MACROD2: variants seen among roughly 807,000 people sequenced by gnomAD.
MACROD2 encodes the protein mono-ADP ribosylhydrolase 2.
A neutral mutation model predicts 70.4 loss-of-function variants in MACROD2; 36 were observed. The observed-to-expected ratio is 0.51, with a 90% CI of 0.39 to 0.68. The LOEUF (loss-of-function observed/expected upper bound fraction) is 0.68, where lower values mean the gene tolerates loss of function less well. MACROD2 is among the 30% of genes least tolerant of loss of function. The pLI is 0.00. For missense variants in MACROD2, 496 were observed against 538.4 expected (o/e 0.92, Z 0.78); for synonymous variants, 172 against 178.8 (o/e 0.96, Z 0.30).
chr20:15,314,085 G>A (rs1001684820), intron 6 of MACROD2, among the ~76,000 whole-genome samples: 4 of 152,252 alleles, frequency 2.6e-5, no homozygotes, highest in African/African-American at 9.6e-5. Context: ...ATTAGGACCA[G>A]TAAGTTTTAC....
intron 8 of MACROD2, among the ~76,000 whole-genome samples, chr20:15,687,318 G>T (rs1396294494): frequency 6.7e-6 from 1 of 150,004 alleles, no homozygotes; most frequent in Non-Finnish European, 1.5e-5. Flanking sequence ...TATATATATC[G>T]CATAGTGCTG....
chr20:15,281,062 G>T (rs2077439639), intron 6 of MACROD2, among the ~76,000 whole-genome samples: 1 of 152,192 alleles, frequency 6.6e-6, no homozygotes, highest in Non-Finnish European at 1.5e-5. Flanking sequence ...GCAAGCAAGA[G>T]AAACACTAGA....
In MACROD2 at chr20:14,907,777, G is replaced by A. The variant is rs79095838; in HGVS notation, c.418+222818G>A. Among the ~76,000 whole-genome samples, 1,049 of 152,228 alleles carry A rather than the reference G, an allele frequency of 6.9e-3. 8 individuals carry two copies. Among genetic ancestry groups the A allele is most frequent in the African/African-American group, 0.024 (992 of 41,536 alleles). ...GACTAGATGATAAAGGGCTTTTCAT[G>A]TCCAACGAAAGAGTTTAGATATTGA... On this transcript the variant is annotated intron_variant, in intron 5 of 17. Transcript: ENST00000684519.
At chr20:15,386,989 A>G (rs1191940118) in intron 6 of MACROD2, among the ~76,000 whole-genome samples, 1 of 152,058 alleles carries the variant, frequency 6.6e-6, no homozygotes, top group Non-Finnish European at 1.5e-5. Context: ...AAATGAGAAA[A>G]TCATTAAAGG....
chr20:14,275,180 C>T (rs926501653), intron 3 of MACROD2, among the ~76,000 whole-genome samples: 4 of 152,102 alleles, frequency 2.6e-5, no homozygotes, highest in Non-Finnish European at 5.9e-5. Context: ...CAAGTCAATC[C>T]TAAGCCAAAC....
chr20:14,866,583 A>G (rs1450015274), intron 5 of MACROD2, among the ~76,000 whole-genome samples: 1 of 152,134 alleles, frequency 6.6e-6, no homozygotes, highest in African/African-American at 2.4e-5. Flanking sequence ...TGGCCTGAGC[A>G]TAAAATTGTC....
At chr20:14,922,560 A>C (rs562133495) in intron 5 of MACROD2, among the ~76,000 whole-genome samples, 1 of 152,292 alleles carries the variant, frequency 6.6e-6, no homozygotes, top group African/African-American at 2.4e-5. Context: ...AATTTGATTC[A>C]TTAACTTTTT....
At chr20:15,805,633 C>T (rs1238565779) in intron 8 of MACROD2, among the ~76,000 whole-genome samples, 7 of 152,086 alleles carry the variant, frequency 4.6e-5, no homozygotes, top group African/African-American at 7.2e-5. Context: ...TGTGCCACCA[C>T]GCCCAGCTAA....
At chr20:15,655,230 T>C (rs997542216) in intron 8 of MACROD2, among the ~76,000 whole-genome samples, 5 of 152,102 alleles carry the variant, frequency 3.3e-5, no homozygotes, top group African/African-American at 9.7e-5. Flanking sequence ...ACTCTGATAA[T>C]TGTAGAAAAT....
At chr20:16,012,428 G>A (rs1320234895) in intron 15 of MACROD2, among the ~76,000 whole-genome samples, 1 of 152,180 alleles carries the variant, frequency 6.6e-6, no homozygotes, top group East Asian at 1.9e-4. Context: ...GACCAATTAA[G>A]TCTGACATTT....
intron 3 of MACROD2, among the ~76,000 whole-genome samples, chr20:14,277,185 C>A (rs1221668966): frequency 6.6e-6 from 1 of 151,722 alleles, no homozygotes; most frequent in Non-Finnish European, 1.5e-5. Context: ...CACTGTGGCT[C>A]ACGCCTGTAA....
chr20:14,020,247 C>T (rs1385659044), intron 2 of MACROD2, among the ~76,000 whole-genome samples: 1 of 152,056 alleles, frequency 6.6e-6, no homozygotes, highest in Non-Finnish European at 1.5e-5. Context: ...CCGAGGCAGG[C>T]GTATCACCTG....
At chr20:15,201,597 A>G (rs1453851726) in intron 5 of MACROD2, among the ~76,000 whole-genome samples, 2 of 152,228 alleles carry the variant, frequency 1.3e-5, no homozygotes, top group Non-Finnish European at 2.9e-5. Context: ...TGAGATGGAT[A>G]GTTGTTTCTC....
intron 5 of MACROD2, among the ~76,000 whole-genome samples, chr20:14,838,769 A>G (rs1346990219): frequency 6.6e-6 from 1 of 152,130 alleles, no homozygotes; most frequent in Non-Finnish European, 1.5e-5. Flanking sequence ...GAGAGAAACC[A>G]GAAGTGAGAA....
chr20:15,730,188 C>G (rs1190926887), intron 8 of MACROD2, among the ~76,000 whole-genome samples: 2 of 152,150 alleles, frequency 1.3e-5, no homozygotes, highest in African/African-American at 4.8e-5. Flanking sequence ...GACATTTAGC[C>G]TATTTACATT....
chr20:15,583,432 G>A (rs2048554122), intron 8 of MACROD2, among the ~76,000 whole-genome samples: 1 of 152,174 alleles, frequency 6.6e-6, no homozygotes, highest in Admixed American at 6.5e-5. Context: ...GAGAAATTGG[G>A]GAATGCAATC....
chr20:15,966,481 CCTA>C lies in MACROD2; in HGVS notation c.908-1071_908-1069del, dbSNP rs1270161468. Among the ~76,000 whole-genome samples the C allele has an allele frequency of 6.6e-5, 10 of 152,286 alleles. No homozygotes were observed. The South Asian group carries it at 1.0e-3, about 16-fold the overall frequency. ...GTCTGGGCAGGTGTGATGGCTCACA[CCTA>C]TAATCCCAGCACTTTGGGGGTATGA... On this transcript the variant is annotated intron_variant, in intron 12 of 17. Coordinates refer to ENST00000684519, the MANE Select transcript of MACROD2 (RefSeq NM_001351661.2).
At chr20:15,922,578 G>A (rs189245450) in intron 10 of MACROD2, among the ~76,000 whole-genome samples, 21 of 152,318 alleles carry the variant, frequency 1.4e-4, no homozygotes, top group Middle Eastern at 3.4e-3. Flanking sequence ...ACAGAGTCTG[G>A]GAGAGACTGA....
rs188563449 is a variant in MACROD2 at position 15,874,400 on chromosome 20, C to A, written c.728-11364C>A. 4.0e-4 allele frequency among the ~76,000 whole-genome samples: 61 copies of A among 152,104 alleles called. No homozygotes were observed. In the East Asian group the frequency reaches 7.4e-3, roughly 18 times the overall value. On this transcript the variant is annotated intron_variant, in intron 9 of 17. Coordinates refer to ENST00000684519, the MANE Select transcript of MACROD2 (RefSeq NM_001351661.2). ...ACGTGTGCATGTGTCTTCATAGTAG[C>A]ATGATTTATAATCCTTTGGGTATAT...
Sources: gnomAD v4.1 joint callset for allele counts (sites outside exome capture counted in the v4.1 genomes callset) on GRCh38, gnomAD v4.1.1 for gene constraint, MANE v1.5 for transcripts, NCBI Gene and HGNC (gene_info 2026-07-23, HGNC 2026-07-21) for gene names.